NFE2L3: variants seen among roughly 807,000 people sequenced by gnomAD.
The protein encoded by NFE2L3 is nuclear factor erythroid 2-related factor 3.
Under a neutral mutation model 23.5 loss-of-function variants are expected in NFE2L3, and 18 were observed. The ratio of observed to expected loss-of-function variants is 0.77; its 90% CI spans 0.53 to 1.13. NFE2L3 has a LOEUF of 1.13. Ranked by LOEUF, NFE2L3 falls within the 50% of genes most tolerant of loss-of-function variation. NFE2L3 has a pLI of 0.00. For missense variants in NFE2L3, 1,152 were observed against 877.2 expected (o/e 1.31, Z -3.96); for synonymous variants, 424 against 354.5 (o/e 1.20, Z -2.20).
intron 1 of NFE2L3, among the ~76,000 whole-genome samples, chr7:26,170,066 C>T (rs1194667992): frequency 6.6e-6 from 1 of 152,210 alleles, no homozygotes; most frequent in Non-Finnish European, 1.5e-5. Flanking sequence ...GTTGCCCAGC[C>T]TAATGGTTAA....
intron 1 of NFE2L3, among the ~76,000 whole-genome samples, chr7:26,166,985 A>T (rs1425823656): frequency 6.6e-6 from 1 of 152,230 alleles, no homozygotes; most frequent in African/African-American, 2.4e-5. Flanking sequence ...GGGTATTTTC[A>T]GGGGCAAACC....
chr7:26,177,191 CAG>C (rs978873386), intron 1 of NFE2L3, among the ~76,000 whole-genome samples: 1 of 152,224 alleles, frequency 6.6e-6, no homozygotes, highest in African/African-American at 2.4e-5. Flanking sequence ...ACTTCCTAGA[CAG>C]GGTGGCGGCT....
intron 1 of NFE2L3, among the ~76,000 whole-genome samples, chr7:26,168,134 TC>T (rs1169760528): frequency 2.9e-5 from 4 of 139,492 alleles, no homozygotes; most frequent in African/African-American, 1.0e-4. Flanking sequence ...GTCATTCTTG[TC>T]TTTTTTTTTC....
At chr7:26,176,360 G>T (rs1309241760) in intron 1 of NFE2L3, among the ~76,000 whole-genome samples, 2 of 151,984 alleles carry the variant, frequency 1.3e-5, no homozygotes, top group African/African-American at 2.4e-5. Context: ...GCCCATTCTC[G>T]ATGGTCACTG....
At chr7:26,174,593 A>T (rs752771975) in intron 1 of NFE2L3, 1 of 152,362 alleles carries the variant, frequency 6.6e-6, no homozygotes, top group Non-Finnish European at 1.5e-5. Context: ...ACAGTGTCAG[A>T]GTTAGGCACA....
intron 2 of NFE2L3, among the ~76,000 whole-genome samples, chr7:26,181,025 A>G (rs1784497973): frequency 6.6e-6 from 1 of 151,822 alleles, no homozygotes; most frequent in Admixed American, 6.6e-5. Context: ...CACCCAGGCT[A>G]AAGTGCAGTG....
At position 26,184,928 on chromosome 7, in the gene NFE2L3, GCTTTTT is replaced by G; in HGVS notation, c.1231_1236del (p.Leu411_Phe412del). On this transcript the variant is annotated inframe_deletion, in exon 4 of 4. Transcript: ENST00000056233. ...ACTTTGATCCAATCGATGTTTCTCA[GCTTTTT>G]GATGAACCAGATTCTGATTCTGGCC... 6.2e-7 allele frequency: 1 copy of G among 1,613,884 alleles called. No homozygotes were observed. The highest frequency in any genetic ancestry group is 1.7e-4 in the Middle Eastern group (1 of 6,054).
In NFE2L3 at chr7:26,152,315, G is replaced by C. The variant is rs1007979313; in HGVS notation, c.-184G>C. 1 of 302,314 alleles carries C rather than the reference G, an allele frequency of 3.3e-6. No homozygotes were observed. The highest frequency in any genetic ancestry group is 5.8e-6 in the Non-Finnish European group (1 of 172,888). The allele number at this position is 302,314 out of a possible 1,614,324, so 18.7% of individuals were successfully genotyped here. A position where few individuals can be genotyped will look rare whatever the true frequency, so the allele number is the denominator to read the frequency against. Reference sequence around the variant, plus strand: ...TGCCAGGCACGGTGCCGGCTGCCGAGGGAACGCCTTTGTGCCCGGTGCTGG... The same window carrying C: ...TGCCAGGCACGGTGCCGGCTGCCGACGGAACGCCTTTGTGCCCGGTGCTGG... On this transcript the variant is annotated 5_prime_UTR_variant, in exon 1 of 4. Transcript: ENST00000056233. The surrounding 1 kb of genome is among the most constrained non-coding windows in gnomAD (Gnocchi z 4.4).
chr7:26,164,804 G>A (rs1472557431), intron 1 of NFE2L3, among the ~76,000 whole-genome samples: 9 of 152,168 alleles, frequency 5.9e-5, no homozygotes, highest in African/African-American at 2.2e-4. Flanking sequence ...TAACATTTAA[G>A]TCTTTAATCC....
In NFE2L3 at chr7:26,187,080, A is replaced by G. The variant is rs1782506394; in HGVS notation, c.*1297A>G. 6.6e-6 allele frequency: 1 copy of G among 152,216 alleles called. No individual in the cohort carries two copies. The highest frequency in any genetic ancestry group is 2.4e-5 in the African/African-American group (1 of 41,466). 9.4% of individuals were successfully genotyped at this position (152,216 alleles called of 1,614,324 possible). A position where few individuals can be genotyped will look rare whatever the true frequency, so the allele number is the denominator to read the frequency against. On this transcript the variant is annotated 3_prime_UTR_variant, in exon 4 of 4. Transcript: ENST00000056233. ...ATCTTGGGCTAGAGAAATGCAGTTTATATATACCGTTGGATTTTTATAATA... is the reference window on the plus strand; with the variant it reads ...ATCTTGGGCTAGAGAAATGCAGTTTGTATATACCGTTGGATTTTTATAATA...
intron 1 of NFE2L3, among the ~76,000 whole-genome samples, chr7:26,171,883 A>G (rs1001024826): frequency 2.6e-5 from 4 of 152,222 alleles, no homozygotes; most frequent in Non-Finnish European, 5.9e-5. Flanking sequence ...TAAGATGTGA[A>G]GGGGGCAGGG....
chr7:26,182,808 T>G (rs941518459), intron 2 of NFE2L3, among the ~76,000 whole-genome samples: 1 of 152,088 alleles, frequency 6.6e-6, no homozygotes. Context: ...ACTGTAAAAA[T>G]ATTTTTTGAG....
At chr7:26,178,505 A>T (rs771827848) in intron 2 of NFE2L3, among the ~76,000 whole-genome samples, 2 of 152,126 alleles carry the variant, frequency 1.3e-5, no homozygotes, top group Admixed American at 1.3e-4. Context: ...CCGAGGACCA[A>T]CCCTACAGCC....
rs1199368979 is a variant in NFE2L3 at position 26,178,047 on chromosome 7, G to A, written c.675G>A (p.Gln225=). 1 of 1,614,120 alleles carries A rather than the reference G, an allele frequency of 6.2e-7. No individual in the cohort carries two copies. Among genetic ancestry groups the A allele is most frequent in the Non-Finnish European group, 8.5e-7 (1 of 1,179,994 alleles). The change falls in exon 2 of 4, where the codon CAG becomes CAA. Residue 225 remains glutamine (Q), a synonymous_variant. Coordinates refer to ENST00000056233, the MANE Select transcript of NFE2L3 (RefSeq NM_004289.7). ...VSAQKENSLQ[Q]NDDDENKIAE... Reference sequence around the variant, plus strand: ...CCCAGAAGGAGAACTCACTTCAGCAGAATGATGATGATGAAAACAAAATAG... The same window carrying A: ...CCCAGAAGGAGAACTCACTTCAGCAAAATGATGATGATGAAAACAAAATAG...
At chr7:26,183,924 A>C (rs1782401644) in intron 3 of NFE2L3, 140 bp downstream of exon 3, 1 of 625,206 alleles carries the variant, frequency 1.6e-6, no homozygotes, top group East Asian at 2.7e-5. Flanking sequence ...GCTTAGAATT[A>C]ACCAAATATG....
At chr7:26,167,615 T>C (rs949363047) in intron 1 of NFE2L3, among the ~76,000 whole-genome samples, 3 of 152,178 alleles carry the variant, frequency 2.0e-5, no homozygotes, top group African/African-American at 7.2e-5. Context: ...GTTTAACTTG[T>C]CTATTCTTTA....
At chr7:26,180,608 T>C (rs1784490234) in intron 2 of NFE2L3, among the ~76,000 whole-genome samples, 1 of 152,210 alleles carries the variant, frequency 6.6e-6, no homozygotes, top group Non-Finnish European at 1.5e-5. Flanking sequence ...CACTAGTCTT[T>C]CACTTATTTA....
At chr7:26,160,571 C>G (rs141951760) in intron 1 of NFE2L3, among the ~76,000 whole-genome samples, 37 of 152,364 alleles carry the variant, frequency 2.4e-4, no homozygotes, top group African/African-American at 8.4e-4. Context: ...CCCAGAAACT[C>G]TGGAAGCTCC....
chr7:26,180,499 T>C (rs927807998), intron 2 of NFE2L3, among the ~76,000 whole-genome samples: 1 of 152,228 alleles, frequency 6.6e-6, no homozygotes, highest in Non-Finnish European at 1.5e-5. Flanking sequence ...TGGACTTTTA[T>C]ATTAAAATAC....
Sources: allele counts gnomAD v4.1 joint callset (sites outside exome capture counted in the v4.1 genomes callset), GRCh38; gene constraint gnomAD v4.1.1; non-coding constraint Gnocchi (gnomAD v3.1); transcripts MANE v1.5; gene names NCBI Gene and HGNC (gene_info 2026-07-23, HGNC 2026-07-21).